The following MIPOL1 variants were observed in gnomAD, a reference collection of about 807,000 sequenced individuals.
MIPOL1 encodes the protein mirror-image polydactyly 1, also known as mirror-image polydactyly gene 1 protein.
A neutral mutation model predicts 60.9 loss-of-function variants in MIPOL1; 57 were observed. The observed-to-expected ratio is 0.94, with a 90% CI of 0.76 to 1.17. MIPOL1 has a LOEUF of 1.17. Ranked by LOEUF, MIPOL1 falls within the 50% of genes most tolerant of loss-of-function variation. The pLI is 0.00. For synonymous variants in MIPOL1, 179 were observed against 168.8 expected, an observed-to-expected ratio of 1.06 and a Z score of -0.47; for missense variants, 551 against 511.6, an observed-to-expected ratio of 1.08 and a Z score of -0.74.
chr14:37,324,989 T>C (rs1687914047), intron 9 of MIPOL1, among the ~76,000 whole-genome samples: 1 of 152,134 alleles, frequency 6.6e-6, no homozygotes, highest in South Asian at 2.1e-4. Flanking sequence ...ACTTGTTCTT[T>C]TGTAAGGTTG....
At chr14:37,439,225 T>A (rs2094206239) in intron 11 of MIPOL1, among the ~76,000 whole-genome samples, 1 of 152,190 alleles carries the variant, frequency 6.6e-6, no homozygotes, top group Admixed American at 6.5e-5. Context: ...TCTTCTAAGC[T>A]TGAATAAATT....
chr14:37,238,150 A>G (rs1027916641), intron 1 of MIPOL1, among the ~76,000 whole-genome samples: 8 of 152,264 alleles, frequency 5.3e-5, no homozygotes, highest in East Asian at 1.9e-4. Flanking sequence ...TAATTATTCA[A>G]TGAATTTTAC....
chr14:37,207,022 T>C (rs984395020), intron 1 of MIPOL1, among the ~76,000 whole-genome samples: 3 of 152,172 alleles, frequency 2.0e-5, no homozygotes, highest in African/African-American at 7.2e-5. Context: ...GTTAAGACTT[T>C]GGGGGATTGT....
intron 6 of MIPOL1, among the ~76,000 whole-genome samples, chr14:37,274,273 T>A (rs1228998036): frequency 6.6e-6 from 1 of 151,432 alleles, no homozygotes; most frequent in Admixed American, 6.6e-5. Context: ...TCCCCACTGG[T>A]TTTTTCATAA....
At chr14:37,521,398 G>A (rs2095412270) in intron 12 of MIPOL1, among the ~76,000 whole-genome samples, 1 of 152,098 alleles carries the variant, frequency 6.6e-6, no homozygotes, top group Non-Finnish European at 1.5e-5. Context: ...TTAAGAAGCA[G>A]CTACATAATA....
intron 11 of MIPOL1, among the ~76,000 whole-genome samples, chr14:37,494,738 G>T (rs1434362455): frequency 6.6e-6 from 1 of 152,192 alleles, no homozygotes; most frequent in Non-Finnish European, 1.5e-5. Flanking sequence ...CATTTAGTGA[G>T]TTAACATATA....
chr14:37,378,465 T>A (rs2153506434), intron 10 of MIPOL1, among the ~76,000 whole-genome samples: 1 of 152,148 alleles, frequency 6.6e-6, no homozygotes, highest in East Asian at 1.9e-4. Context: ...AGTGACAAAA[T>A]TATAGTGATA....
At chr14:37,372,832 A>G (rs1253591189) in intron 10 of MIPOL1, among the ~76,000 whole-genome samples, 2 of 152,150 alleles carry the variant, frequency 1.3e-5, no homozygotes, top group Admixed American at 6.6e-5. Flanking sequence ...AATAACAAGT[A>G]AAACACAGTG....
intron 10 of MIPOL1, 70 bp from the exon 11 acceptor site, chr14:37,422,785 C>G (rs1389860471): frequency 3.1e-6 from 3 of 971,218 alleles, no homozygotes; most frequent in Non-Finnish European, 1.5e-6. Context: ...GACTACTGTT[C>G]TTACCGTGGT....
intron 11 of MIPOL1, among the ~76,000 whole-genome samples, chr14:37,454,121 C>T (rs1173262057): frequency 2.0e-5 from 3 of 152,204 alleles, no homozygotes. Context: ...CACACTATGT[C>T]ATACATTTGC....
chr14:37,215,558 G>A (rs73252030), intron 1 of MIPOL1, among the ~76,000 whole-genome samples: 11,106 of 152,154 alleles, frequency 0.073, 1,352 homozygotes, highest in African/African-American at 0.25. Flanking sequence ...GAGGAAGACA[G>A]GATGGAAATA....
intron 1 of MIPOL1, among the ~76,000 whole-genome samples, chr14:37,238,631 C>G (rs1481338538): frequency 6.6e-6 from 1 of 152,002 alleles, no homozygotes; most frequent in Non-Finnish European, 1.5e-5. Flanking sequence ...ATCACCACAT[C>G]ATAGAGATGA....
At chr14:37,267,694 A>G (rs1350245047) in intron 4 of MIPOL1, among the ~76,000 whole-genome samples, 1 of 152,174 alleles carries the variant, frequency 6.6e-6, no homozygotes, top group African/African-American at 2.4e-5. Context: ...GTGCATCTGA[A>G]GAAAGACAGG....
chr14:37,257,917 A>G (rs1375543168), intron 3 of MIPOL1, among the ~76,000 whole-genome samples: 1 of 152,158 alleles, frequency 6.6e-6, no homozygotes, highest in Non-Finnish European at 1.5e-5. Context: ...GCCTGGCAAC[A>G]AAGCTATGCG....
intron 5 of MIPOL1, among the ~76,000 whole-genome samples, chr14:37,269,645 GTAT>G (rs1470473627): frequency 6.6e-6 from 1 of 152,070 alleles, no homozygotes; most frequent in African/African-American, 2.4e-5. Flanking sequence ...TGATGGGGTA[GTAT>G]TCTCAAAGGG....
intron 11 of MIPOL1, among the ~76,000 whole-genome samples, chr14:37,488,639 C>T (rs1306204883): frequency 1.3e-5 from 2 of 152,162 alleles, no homozygotes; most frequent in African/African-American, 4.8e-5. Flanking sequence ...CTGGTGATGA[C>T]AAAAATCTCT....
chr14:37,398,847 G>A (rs2093428058), intron 10 of MIPOL1, among the ~76,000 whole-genome samples: 1 of 152,132 alleles, frequency 6.6e-6, no homozygotes, highest in Non-Finnish European at 1.5e-5. Context: ...AGAAAAGGCA[G>A]ATAAATGAGG....
rs1376310187 is a variant in MIPOL1 at position 37,308,356 on chromosome 14, A to G, written c.665A>G (p.Gln222Arg). ...INPEENDMTL[Q>R]ELLNRINNAD... ...ATATAATGGTGTTGGTAGACATTAC[A>G]GGAATTACTGAACAGAATAAACAAT... The change falls in exon 9 of 13, where the codon CAG becomes CGG. Residue 222 changes from glutamine to arginine, a missense_variant. Coordinates refer to ENST00000684589, the MANE Select transcript of MIPOL1 (RefSeq NM_001388067.1). The G allele has an allele frequency of 6.5e-7, 1 of 1,549,504 alleles. No individual in the cohort carries two copies. The highest frequency in any genetic ancestry group is 2.3e-5 in the East Asian group (1 of 43,492).
At chr14:37,416,823 A>G (rs1438464113) in intron 10 of MIPOL1, among the ~76,000 whole-genome samples, 10 of 152,170 alleles carry the variant, frequency 6.6e-5, no homozygotes, top group Admixed American at 6.5e-4. Flanking sequence ...TTTTCAGGGT[A>G]CCAGCTAGAT....
Sources: allele counts gnomAD v4.1 joint callset (sites outside exome capture counted in the v4.1 genomes callset), GRCh38; gene constraint gnomAD v4.1.1; transcripts MANE v1.5; gene names NCBI Gene and HGNC (gene_info 2026-07-23, HGNC 2026-07-21).